MS4A6A: variants seen among roughly 807,000 people sequenced by gnomAD.
The protein encoded by MS4A6A is membrane-spanning 4-domains subfamily A member 6A.
A neutral mutation model predicts 20.6 loss-of-function variants in MS4A6A; 19 were observed. That is an observed-to-expected ratio of 0.92 (90% CI 0.64 to 1.36). The LOEUF is 1.36. Among genes scored for constraint, MS4A6A ranks in the 40% most tolerant of loss-of-function variants. The pLI is 0.00. For synonymous variants in MS4A6A, 108 were observed against 105.0 expected, an observed-to-expected ratio of 1.03 and a Z score of -0.17; for missense variants, 272 against 261.1, an observed-to-expected ratio of 1.04 and a Z score of -0.29.
intron 2 of MS4A6A, chr11:60,180,740 A>G: frequency 3.9e-6 from 1 of 259,336 alleles, no homozygotes; most frequent in Non-Finnish European, 7.7e-6. Context: ...TTAGCAGACT[A>G]ACACAGGGAC....
chr11:60,173,476 T>A (rs1457648117), intron 5 of MS4A6A, among the ~76,000 whole-genome samples: 2 of 152,204 alleles, frequency 1.3e-5, no homozygotes, highest in Admixed American at 6.5e-5. Context: ...AATCAGCAGC[T>A]CCGTTCCAGT....
upstream of MS4A6A, chr11:60,183,214 C>G (rs114779719): frequency 1.7e-3 from 2,565 of 1,529,770 alleles, 19 homozygotes; most frequent in African/African-American, 0.027. Flanking sequence ...ATGAAAAGAG[C>G]CAACTAATAT....
intron 1 of MS4A6A, chr11:60,182,724 A>G (rs1293858547): frequency 1.3e-5 from 2 of 154,678 alleles, no homozygotes; most frequent in African/African-American, 4.8e-5. Context: ...CAAATGGTCT[A>G]AACACATTTG....
chr11:60,181,399 T>C lies in MS4A6A; in HGVS notation c.147+182A>G, dbSNP rs1009459733. On this transcript the variant is annotated intron_variant, in intron 2 of 5. Transcript: ENST00000528851. ...ATATTCAGAATAAGGGAAAATATATTTTTAAGACAACCTCTTGTGGAAAAG... is the reference window on the plus strand; with the variant it reads ...ATATTCAGAATAAGGGAAAATATATCTTTAAGACAACCTCTTGTGGAAAAG... 6 of 640,076 alleles carry C rather than the reference T, an allele frequency of 9.4e-6. No individual in the cohort carries two copies. The African/African-American group carries it at 1.1e-4, about 12-fold the overall frequency. 39.6% of individuals were successfully genotyped at this position (640,076 alleles called of 1,614,324 possible).
At chr11:60,181,297 A>T (rs1435992894) in intron 2 of MS4A6A, 3 of 460,914 alleles carry the variant, frequency 6.5e-6, no homozygotes, top group Non-Finnish European at 1.2e-5. Flanking sequence ...ATTTACCACC[A>T]TTACTTTTGT....
chr11:60,183,096 T>C (rs1418793504), upstream of MS4A6A: 1 of 1,522,552 alleles, frequency 6.6e-7, no homozygotes, highest in Admixed American at 2.1e-5. Flanking sequence ...CAGCCCTTCC[T>C]TATTCCAGTG....
At chr11:60,172,058 G>T, downstream of MS4A6A, 2 of 1,161,494 alleles carry the variant, frequency 1.7e-6, no homozygotes, top group South Asian at 3.0e-5. Context: ...TACTTTAAAA[G>T]CTTACATTTA....
In MS4A6A at chr11:60,178,495, A is replaced by G. The variant is rs1590676324; in HGVS notation, c.283-179T>C. 9.9e-6 allele frequency: 5 copies of G among 507,176 alleles called. No individual in the cohort carries two copies. In the East Asian group the frequency reaches 1.6e-4, roughly 16 times the overall value. The allele number at this position is 507,176 out of a possible 1,614,324, so 31.4% of individuals were successfully genotyped here. On this transcript the variant is annotated intron_variant, in intron 3 of 5. Coordinates refer to ENST00000528851, the MANE Select transcript of MS4A6A (RefSeq NM_022349.4). ...TTTGTCCATATAACATTCAGATAAC[A>G]TCAGAAAAAAAAAAGATAGCAGAAA...
intron 5 of MS4A6A, among the ~76,000 whole-genome samples, chr11:60,174,438 G>A (rs969408215): frequency 7.3e-5 from 11 of 150,728 alleles, no homozygotes; most frequent in Non-Finnish European, 8.8e-5. Flanking sequence ...GTAATTCTCC[G>A]CCTCAGCCTC....
At chr11:60,172,407 A>G, downstream of MS4A6A, 1 of 1,388,912 alleles carries the variant, frequency 7.2e-7, no homozygotes. Flanking sequence ...GCAATTTATC[A>G]CCCTAGTATT....
At chr11:60,176,899 C>T (rs1037493682) in intron 4 of MS4A6A, 2 of 152,192 alleles carry the variant, frequency 1.3e-5, no homozygotes, top group African/African-American at 4.8e-5. Flanking sequence ...TGCATGTTCA[C>T]TGTGGGATTG....
At position 60,173,142 on chromosome 11, in the gene MS4A6A, A is replaced by T. The variant is rs1356099176; in HGVS notation, c.550-13T>A. On this transcript the variant is annotated splice_polypyrimidine_tract_variant and intron_variant, in intron 5 of 5. Coordinates refer to ENST00000528851, the MANE Select transcript of MS4A6A (RefSeq NM_022349.4). ...GAGAGAGAGTTCCCTGAAAGTCAAGAAATAAAAGATTGATGTTGCTTAGGT... is the reference window on the plus strand; with the variant it reads ...GAGAGAGAGTTCCCTGAAAGTCAAGTAATAAAAGATTGATGTTGCTTAGGT... 1 of 1,612,260 alleles carries T rather than the reference A, an allele frequency of 6.2e-7. No individual in the cohort carries two copies.
intron 4 of MS4A6A, among the ~76,000 whole-genome samples, chr11:60,177,760 C>A (rs747702215): frequency 6.6e-6 from 1 of 152,074 alleles, no homozygotes; most frequent in Admixed American, 6.5e-5. Context: ...CTAAAGGAAC[C>A]TGAGGAGACA....
chr11:60,179,626 A>G, intron 3 of MS4A6A: 1 of 644,808 alleles, frequency 1.6e-6, no homozygotes, highest in Non-Finnish European at 2.8e-6. Flanking sequence ...ATGATCTTCA[A>G]AAGAAATGTT....
At chr11:60,181,031 C>T (rs1565104331) in intron 2 of MS4A6A, 1 of 453,990 alleles carries the variant, frequency 2.2e-6, no homozygotes. Flanking sequence ...TGTTTCCCTC[C>T]CAATCCAAGA....
At position 60,179,912 on chromosome 11, in the gene MS4A6A, T is replaced by C; in HGVS notation, c.201A>G (p.Ala67=). The C allele has an allele frequency of 1.2e-6, 2 of 1,608,200 alleles. No individual in the cohort carries two copies. The highest frequency in any genetic ancestry group is 1.1e-5 in the South Asian group (1 of 91,060). ...TAAAATTTGGAGAGAAGGAAGCAGATGCCAAAATGATCCCCAAGCTCAATA... is the reference window on the plus strand; with the variant it reads ...TAAAATTTGGAGAGAAGGAAGCAGACGCCAAAATGATCCCCAAGCTCAATA... ...MMVLSLGIIL[A]SASFSPNFTQ... Residue 67 remains alanine, a synonymous_variant, in exon 3 of 6, where the codon GCA becomes GCG. Transcript: ENST00000528851.
intron 5 of MS4A6A, among the ~76,000 whole-genome samples, chr11:60,175,072 T>C (rs1324327070): frequency 6.6e-6 from 1 of 152,138 alleles, no homozygotes; most frequent in Admixed American, 6.6e-5. Context: ...TTTCCATTCT[T>C]AATTCACCAC....
At chr11:60,176,503 A>G (rs1305682505) in intron 4 of MS4A6A, among the ~76,000 whole-genome samples, 4 of 152,170 alleles carry the variant, frequency 2.6e-5, no homozygotes, top group Non-Finnish European at 5.9e-5. Flanking sequence ...CACACAGAAA[A>G]GAGAATTGAG....
At chr11:60,183,335 T>C (rs1272600634), upstream of MS4A6A, 1 of 650,424 alleles carries the variant, frequency 1.5e-6, no homozygotes, top group African/African-American at 1.8e-5. Flanking sequence ...TTCTAATCTG[T>C]TAAATAGAGG....
Sources: gnomAD v4.1 joint callset for allele counts (sites outside exome capture counted in the v4.1 genomes callset) on GRCh38, gnomAD v4.1.1 for gene constraint, MANE v1.5 for transcripts, NCBI Gene and HGNC (gene_info 2026-07-23, HGNC 2026-07-21) for gene names.